Variants in PTPRM observed in about 807,000 individuals in gnomAD.
PTPRM encodes the protein protein tyrosine phosphatase receptor type M.
A neutral mutation model predicts 186.7 loss-of-function variants in PTPRM; 47 were observed. The observed-to-expected ratio is 0.25, with a 90% CI of 0.20 to 0.32. The LOEUF is 0.32. Among genes scored for constraint, PTPRM ranks in the 10% least tolerant of loss-of-function variants. The pLI is 1.00. For synonymous variants in PTPRM, 668 were observed against 674.9 expected, an observed-to-expected ratio of 0.99 and a Z score of 0.16; for missense variants, 1,494 against 1,865.0, an observed-to-expected ratio of 0.80 and a Z score of 3.66.
intron 14 of PTPRM, among the ~76,000 whole-genome samples, chr18:8,210,041 A>C (rs1217808843): frequency 2.5e-5 from 2 of 78,966 alleles, no homozygotes; most frequent in Admixed American, 1.2e-4. Context: ...AAGGTGGCTC[A>C]TGCCTCATGC....
At chr18:7,580,887 GTGT>G (rs1200928801) in intron 1 of PTPRM, among the ~76,000 whole-genome samples, 2 of 152,166 alleles carry the variant, frequency 1.3e-5, no homozygotes, top group Non-Finnish European at 1.5e-5. Context: ...TTCAAATGTA[GTGT>G]TGTGGCTGCT....
chr18:8,340,876 AAAT>A (rs1276900626), intron 22 of PTPRM, among the ~76,000 whole-genome samples: 2 of 152,204 alleles, frequency 1.3e-5, no homozygotes, highest in Admixed American at 6.5e-5. Context: ...GAATTTAAAA[AAAT>A]CTCCACAGTA....
intron 1 of PTPRM, among the ~76,000 whole-genome samples, chr18:7,685,480 A>G (rs2039580922): frequency 6.6e-6 from 1 of 152,218 alleles, no homozygotes; most frequent in Non-Finnish European, 1.5e-5. Flanking sequence ...CTTAATGTGT[A>G]TTATAGGTGA....
chr18:7,681,147 T>C (rs2039470980), intron 1 of PTPRM, among the ~76,000 whole-genome samples: 1 of 152,150 alleles, frequency 6.6e-6, no homozygotes, highest in Non-Finnish European at 1.5e-5. Flanking sequence ...GGATTTTTTT[T>C]CCCTTTTGTG....
chr18:7,892,328 G>T (rs1231659934), intron 3 of PTPRM, among the ~76,000 whole-genome samples: 2 of 152,154 alleles, frequency 1.3e-5, no homozygotes, highest in African/African-American at 4.8e-5. Flanking sequence ...TCAGTCAGCT[G>T]CATTAAAGGA....
chr18:8,317,024 T>C (rs1394025192), intron 21 of PTPRM, among the ~76,000 whole-genome samples: 2 of 152,134 alleles, frequency 1.3e-5, no homozygotes, highest in Non-Finnish European at 2.9e-5. Flanking sequence ...GGAGAGGTCA[T>C]GGGCCAGGTC....
intron 14 of PTPRM, among the ~76,000 whole-genome samples, chr18:8,151,484 GC>G (rs1436148690): frequency 2.9e-5 from 1 of 34,536 alleles, no homozygotes; most frequent in Non-Finnish European, 6.3e-5. Context: ...GCCCCCCCCC[GC>G]CCCCCACCAA....
intron 14 of PTPRM, among the ~76,000 whole-genome samples, chr18:8,172,265 C>CTT (rs869079652): frequency 5.7e-4 from 79 of 137,802 alleles, no homozygotes; most frequent in Admixed American, 1.7e-3. Context: ...AAGTCTTGAC[C>CTT]TTTTTTTTTT....
intron 11 of PTPRM, among the ~76,000 whole-genome samples, chr18:8,111,956 C>T (rs927855018): frequency 3.9e-5 from 6 of 152,124 alleles, no homozygotes; most frequent in African/African-American, 1.2e-4. Flanking sequence ...CTTCTTTCAC[C>T]GCTGTCAACT....
At chr18:8,088,357 A>G (rs1364187748) in intron 10 of PTPRM, among the ~76,000 whole-genome samples, 11 of 152,238 alleles carry the variant, frequency 7.2e-5, no homozygotes, top group Non-Finnish European at 1.5e-5. Flanking sequence ...TATTTCCTAA[A>G]TATGCCTTTA....
intron 13 of PTPRM, among the ~76,000 whole-genome samples, chr18:8,117,388 A>G (rs2091995917): frequency 6.6e-6 from 1 of 152,220 alleles, no homozygotes; most frequent in South Asian, 2.1e-4. Context: ...TGTTCTCCTG[A>G]AACAACTGTT....
intron 13 of PTPRM, among the ~76,000 whole-genome samples, chr18:8,130,471 A>G (rs753125304): frequency 6.6e-6 from 1 of 152,226 alleles, no homozygotes; most frequent in African/African-American, 2.4e-5. Context: ...GTGGAATGAA[A>G]TGCAACATTT....
intron 11 of PTPRM, among the ~76,000 whole-genome samples, chr18:8,108,389 C>G (rs934819997): frequency 1.1e-4 from 16 of 152,124 alleles, no homozygotes; most frequent in Admixed American, 9.8e-4. Flanking sequence ...TTCCTTACCT[C>G]CCTACCTTCT....
chr18:7,730,732 C>T lies in PTPRM; in HGVS notation c.74-43417C>T, dbSNP rs113026360. 2.8e-3 allele frequency among the ~76,000 whole-genome samples: 424 copies of T among 152,266 alleles called. 1 individual carries two copies. The highest frequency in any genetic ancestry group is 9.0e-3 in the African/African-American group (375 of 41,564). ...TGGATCCAGAAACATTTTTCCTTCACTGAGGAGAGGGGTGATTAAAAAGCT... is the reference window on the plus strand; with the variant it reads ...TGGATCCAGAAACATTTTTCCTTCATTGAGGAGAGGGGTGATTAAAAAGCT... On this transcript the variant is annotated intron_variant, in intron 1 of 32. Transcript: ENST00000580170.
intron 13 of PTPRM, among the ~76,000 whole-genome samples, chr18:8,125,526 T>C (rs1485572988): frequency 6.6e-6 from 1 of 152,198 alleles, no homozygotes; most frequent in Non-Finnish European, 1.5e-5. Flanking sequence ...TTCTACATTA[T>C]TCTTTTTCAT....
chr18:7,962,669 C>T (rs189023872), intron 7 of PTPRM, among the ~76,000 whole-genome samples: 75 of 152,192 alleles, frequency 4.9e-4, no homozygotes, highest in African/African-American at 1.3e-3. Flanking sequence ...TGCATTCAAC[C>T]GAAGGCTGAC....
chr18:8,310,142 A>G lies in PTPRM; in HGVS notation c.2843-4639A>G, dbSNP rs1040240165. On this transcript the variant is annotated intron_variant, in intron 20 of 32. Coordinates refer to ENST00000580170, the MANE Select transcript of PTPRM (RefSeq NM_001105244.2). ...GTCAACATGATACCTCTTCTCATCC[A>G]CAATAAGTGAACTGATCATTGTGGT... Among the ~76,000 whole-genome samples, 3 of 152,040 alleles carry G rather than the reference A, an allele frequency of 2.0e-5. No individual in the cohort carries two copies. The South Asian group carries it at 6.2e-4, about 32-fold the overall frequency.
intron 5 of PTPRM, among the ~76,000 whole-genome samples, chr18:7,927,101 A>C (rs2146806604): frequency 6.6e-6 from 1 of 152,356 alleles, no homozygotes; most frequent in African/African-American, 2.4e-5. Flanking sequence ...CTGTAAGCTT[A>C]AACTTAGAAA....
At chr18:7,706,222 C>G (rs1598407096) in intron 1 of PTPRM, among the ~76,000 whole-genome samples, 1 of 151,670 alleles carries the variant, frequency 6.6e-6, no homozygotes, top group South Asian at 2.1e-4. Context: ...TTAGAAGTGA[C>G]AAGAAAGAGG....
Sources: allele counts gnomAD v4.1 joint callset (sites outside exome capture counted in the v4.1 genomes callset), GRCh38; gene constraint gnomAD v4.1.1; transcripts MANE v1.5; gene names NCBI Gene and HGNC (gene_info 2026-07-23, HGNC 2026-07-21).